The following TPRG1 variants were observed in gnomAD, a reference collection of about 807,000 sequenced individuals.
The protein encoded by TPRG1 is tumor protein p63-regulated gene 1 protein.
In TPRG1, 29 loss-of-function variants were observed where a neutral mutation model predicts 29.3. That is an observed-to-expected ratio of 0.99 (90% confidence interval 0.74 to 1.35). TPRG1 has a LOEUF of 1.35. Among genes scored for constraint, TPRG1 ranks in the 40% most tolerant of loss-of-function variants. The pLI, the probability that TPRG1 is intolerant of heterozygous loss-of-function variation, is 0.00. For synonymous variants in TPRG1, 130 were observed against 116.8 expected, an observed-to-expected ratio of 1.11 and a Z score of -0.73; for missense variants, 327 against 335.0, an observed-to-expected ratio of 0.98 and a Z score of 0.19.
intron 4 of TPRG1, among the ~76,000 whole-genome samples, chr3:189,306,288 A>G (rs897067891): frequency 3.3e-5 from 5 of 152,204 alleles, no homozygotes; most frequent in African/African-American, 1.2e-4. Context: ...AGACTGAAGA[A>G]AAGAGAATTG....
chr3:189,027,968 G>A lies in TPRG1; in HGVS notation c.-463+4022G>A, dbSNP rs7625761. ...CCCTCATTATTCATTATTTCATCAAGTATTTACTATTGAGAACTTACAGTG... is the reference window on the plus strand; with the variant it reads ...CCCTCATTATTCATTATTTCATCAAATATTTACTATTGAGAACTTACAGTG... On this transcript the variant is annotated intron_variant, in intron 4 of 10. Transcript: ENST00000433971. Among the ~76,000 whole-genome samples, 276 of 152,128 alleles carry A rather than the reference G, an allele frequency of 1.8e-3. 1 individual carries two copies. The highest frequency in any genetic ancestry group is 6.5e-3 in the African/African-American group (268 of 41,488).
At chr3:189,233,756 G>A (rs1560585640) in intron 3 of TPRG1, among the ~76,000 whole-genome samples, 1 of 152,178 alleles carries the variant, frequency 6.6e-6, no homozygotes, top group Non-Finnish European at 1.5e-5. Context: ...CACTAGAGAG[G>A]CATCCATTTA....
chr3:189,060,584 C>G (rs765341087), intron 4 of TPRG1, among the ~76,000 whole-genome samples: 3 of 152,166 alleles, frequency 2.0e-5, no homozygotes, highest in Non-Finnish European at 4.4e-5. Flanking sequence ...TGATAAATAA[C>G]TTCAATAAAG....
intron 4 of TPRG1, among the ~76,000 whole-genome samples, chr3:189,148,725 G>C (rs142751208): frequency 8.9e-4 from 135 of 152,330 alleles, no homozygotes; most frequent in Non-Finnish European, 9.6e-4. Flanking sequence ...GATTTGGGTG[G>C]TAAAGCAATA....
chr3:189,218,368 G>T (rs773953906), intron 3 of TPRG1, among the ~76,000 whole-genome samples: 23 of 152,014 alleles, frequency 1.5e-4, no homozygotes, highest in Middle Eastern at 6.8e-3. Flanking sequence ...CGCCTGCCTC[G>T]GCCTCCCAAA....
chr3:189,095,951 A>T (rs1227318495), upstream of TPRG1, among the ~76,000 whole-genome samples: 1 of 152,182 alleles, frequency 6.6e-6, no homozygotes, highest in Non-Finnish European at 1.5e-5. Flanking sequence ...TCTGATTTGC[A>T]CTTGGCATGA....
At chr3:189,061,523 A>G (rs1716101785) in intron 4 of TPRG1, among the ~76,000 whole-genome samples, 1 of 152,264 alleles carries the variant, frequency 6.6e-6, no homozygotes, top group Admixed American at 6.5e-5. Context: ...AATGTGAGAC[A>G]ATATTTGCAA....
rs1015225145 is a variant in TPRG1 at position 189,325,184 on chromosome 3, C to T, written c.*4364C>T. 1 of 151,798 alleles carries T rather than the reference C, an allele frequency of 6.6e-6. No homozygotes were observed. The highest frequency in any genetic ancestry group is 2.4e-5 in the African/African-American group (1 of 41,308). 9.4% of individuals were successfully genotyped at this position (151,798 alleles called of 1,614,324 possible). On this transcript the variant is annotated 3_prime_UTR_variant, in exon 6 of 6. Transcript: ENST00000345063. ...CCACAAAAAGGAATTATGATATCCTCTGCTAAACCCTCTCTTTAGCCTCAA... is the reference window on the plus strand; with the variant it reads ...CCACAAAAAGGAATTATGATATCCTTTGCTAAACCCTCTCTTTAGCCTCAA...
intron 3 of TPRG1, among the ~76,000 whole-genome samples, chr3:189,017,329 C>A (rs1712997199): frequency 6.6e-6 from 1 of 152,048 alleles, no homozygotes; most frequent in African/African-American, 2.4e-5. Flanking sequence ...ACTGCCCCCA[C>A]TAACTCGTCA....
chr3:189,298,774 A>G (rs867599842), intron 4 of TPRG1, among the ~76,000 whole-genome samples: 1 of 152,236 alleles, frequency 6.6e-6, no homozygotes, highest in Non-Finnish European at 1.5e-5. Flanking sequence ...ATGAAATATC[A>G]TAAACTTCTT....
In TPRG1 at chr3:189,042,811, C is replaced by A. The variant is rs189650053; in HGVS notation, c.-463+18865C>A. ...GTAATCTGCTAAGGCTGGGAGGAAC[C>A]TTATTTTATGGATGAGGAAACTGAG... On this transcript the variant is annotated intron_variant, in intron 4 of 10. Coordinates refer to the TPRG1 transcript ENST00000433971. Among the ~76,000 whole-genome samples the A allele has an allele frequency of 1.4e-3, 219 of 152,128 alleles. 2 individuals are homozygous for A. Among genetic ancestry groups the A allele is most frequent in the Non-Finnish European group, 8.5e-4 (58 of 68,012 alleles).
intron 1 of TPRG1, among the ~76,000 whole-genome samples, chr3:189,124,603 G>T: frequency 6.6e-6 from 1 of 151,064 alleles, no homozygotes; most frequent in East Asian, 1.9e-4. Flanking sequence ...TATTAATATA[G>T]CTTTTCTTCA....
At chr3:189,128,263 T>C (rs1172174847) in intron 2 of TPRG1, among the ~76,000 whole-genome samples, 1 of 152,192 alleles carries the variant, frequency 6.6e-6, no homozygotes, top group East Asian at 1.9e-4. Flanking sequence ...CCATGGCCCT[T>C]GCATGGAATC....
intron 4 of TPRG1, among the ~76,000 whole-genome samples, chr3:189,251,283 C>A (rs1415476459): frequency 6.6e-6 from 1 of 152,042 alleles, no homozygotes; most frequent in Non-Finnish European, 1.5e-5. Flanking sequence ...ATGCAGTTTG[C>A]CTTTGGCTTA....
At chr3:189,224,297 A>G (rs749422567) in intron 3 of TPRG1, among the ~76,000 whole-genome samples, 8 of 152,222 alleles carry the variant, frequency 5.3e-5, no homozygotes, top group Non-Finnish European at 1.0e-4. Context: ...CCTGGCCAAC[A>G]TGGTGAAACC....
intron 1 of TPRG1, among the ~76,000 whole-genome samples, chr3:189,113,957 T>C (rs1393692684): frequency 1.3e-5 from 2 of 152,002 alleles, no homozygotes; most frequent in Admixed American, 6.6e-5. Flanking sequence ...AATAAAGTGT[T>C]CCCATCTATA....
upstream of TPRG1, among the ~76,000 whole-genome samples, chr3:189,171,219 A>G (rs980743409): frequency 6.6e-6 from 1 of 152,242 alleles, no homozygotes; most frequent in African/African-American, 2.4e-5. Context: ...TTCAAGTTCT[A>G]TCTGCATTTC....
chr3:189,273,815 T>C (rs1167553124), intron 4 of TPRG1, among the ~76,000 whole-genome samples: 2 of 152,126 alleles, frequency 1.3e-5, no homozygotes. Context: ...GTCTGTCCCT[T>C]AGCTTGTGCC....
intron 4 of TPRG1, among the ~76,000 whole-genome samples, chr3:189,256,236 G>T (rs143323694): frequency 2.0e-4 from 31 of 152,286 alleles, no homozygotes; most frequent in African/African-American, 6.3e-4. Flanking sequence ...TGGTTTCAAA[G>T]AACTTATTTA....
Sources: gnomAD v4.1 joint callset for allele counts (sites outside exome capture counted in the v4.1 genomes callset) on GRCh38, gnomAD v4.1.1 for gene constraint, MANE v1.5 for transcripts, NCBI Gene and HGNC (gene_info 2026-07-23, HGNC 2026-07-21) for gene names.